Variants in KATNAL2 observed in about 807,000 individuals in gnomAD.
KATNAL2 encodes katanin catalytic subunit A1 like 2.
KATNAL2 carries 52 observed loss-of-function variants against 76.3 expected under a neutral mutation model. The observed-to-expected ratio is 0.68, with a 90% CI of 0.55 to 0.86. The LOEUF (loss-of-function observed/expected upper bound fraction) is 0.86, where lower values mean the gene tolerates loss of function less well. Ranked by LOEUF, KATNAL2 falls within the 40% of genes least tolerant of loss-of-function variation. KATNAL2 has a pLI of 0.00. For missense variants in KATNAL2, 660 were observed against 668.9 expected (o/e 0.99, Z 0.15); for synonymous variants, 243 against 244.2 (o/e 1.00, Z 0.05).
intron 3 of KATNAL2, among the ~76,000 whole-genome samples, chr18:46,955,485 A>G (rs947848230): frequency 9.3e-5 from 14 of 151,038 alleles, no homozygotes; most frequent in African/African-American, 3.4e-4. Context: ...TGGCCTCCCA[A>G]AGTGCTGGAA....
chr18:46,937,214 A>G lies in KATNAL2; in HGVS notation c.-509-8843A>G, dbSNP rs538709955. Among the ~76,000 whole-genome samples, 4 of 152,214 alleles carry G rather than the reference A, an allele frequency of 2.6e-5. No individual in the cohort carries two copies. In the East Asian group the frequency reaches 7.7e-4, roughly 29 times the overall value. The stretch of plus-strand genomic sequence containing the variant: ...TGATCTTCCTAAATCGCATAACCCC[A>G]GTTTTTCATGAGAAAAACATAGACA... On this transcript the variant is annotated intron_variant, in intron 1 of 17. Coordinates refer to ENST00000683218, the MANE Select transcript of KATNAL2 (RefSeq NM_001387690.1).
chr18:47,043,245 A>AAAAAAACAAAAAAAAAAAAAAAAAAAAT (rs376877321), intron 3 of KATNAL2, among the ~76,000 whole-genome samples: 1 of 93,176 alleles, frequency 1.1e-5, no homozygotes, highest in Non-Finnish European at 2.1e-5. Flanking sequence ...AAAAAAAAAA[A>AAAAAAACAAAAAAAAAAAAAAAAAAAAT]GAGATCCTAA....
chr18:47,060,163 A>AT (rs1319788329), intron 8 of KATNAL2, among the ~76,000 whole-genome samples: 2 of 151,922 alleles, frequency 1.3e-5, no homozygotes, highest in Non-Finnish European at 2.9e-5. Context: ...CATCCAGCTA[A>AT]TTTTTTTCAT....
At chr18:47,054,344 T>G in intron 5 of KATNAL2, 52 bp from the exon 6 acceptor site, 1 of 1,511,604 alleles carries the variant, frequency 6.6e-7, no homozygotes, top group Non-Finnish European at 9.2e-7. Flanking sequence ...AAAAATCACT[T>G]TGTCACTCTT....
intron 3 of KATNAL2, among the ~76,000 whole-genome samples, chr18:46,948,552 G>A (rs1270872195): frequency 2.0e-5 from 3 of 151,464 alleles, no homozygotes; most frequent in East Asian, 1.9e-4. Context: ...AGCCTCCCGA[G>A]TACCTGGGAT....
chr18:46,961,478 CTT>C (rs1188461286), intron 3 of KATNAL2, among the ~76,000 whole-genome samples: 8 of 152,188 alleles, frequency 5.3e-5, no homozygotes, highest in African/African-American at 1.9e-4. Context: ...GCAACAAAAA[CTT>C]TTATCATTTG....
intron 4 of KATNAL2, 147 bp from the exon 5 acceptor site, chr18:47,052,733 A>C (rs1255272351): frequency 6.1e-6 from 3 of 488,806 alleles, no homozygotes; most frequent in Non-Finnish European, 1.0e-5. Flanking sequence ...TTTATAGGCA[A>C]ACCTCCTATG....
chr18:47,095,159 T>C (rs1197044668), intron 15 of KATNAL2, among the ~76,000 whole-genome samples: 1 of 152,220 alleles, frequency 6.6e-6, no homozygotes, highest in Non-Finnish European at 1.5e-5. Context: ...TTTGCTTTTG[T>C]GGGTTTATGC....
At chr18:47,087,023 TAGG>T (rs1263450052) in intron 15 of KATNAL2, among the ~76,000 whole-genome samples, 3 of 152,152 alleles carry the variant, frequency 2.0e-5, no homozygotes, top group East Asian at 1.9e-4. Context: ...TTATAGAAAA[TAGG>T]AGAATTAGAA....
At chr18:46,919,917 A>G in intron 1 of KATNAL2, 1 of 435,446 alleles carries the variant, frequency 2.3e-6, no homozygotes. Flanking sequence ...CTTTAAGTGA[A>G]TGCCACTGTG....
intron 12 of KATNAL2, 44 bp downstream of exon 12, chr18:47,069,327 G>A: frequency 2.6e-6 from 4 of 1,529,140 alleles, no homozygotes; most frequent in Non-Finnish European, 3.6e-6. Flanking sequence ...AAGTGTGTGT[G>A]CAGAGGATGA....
intron 15 of KATNAL2, chr18:47,091,216 T>C (rs989332521): frequency 6.6e-6 from 1 of 152,280 alleles, no homozygotes; most frequent in Non-Finnish European, 1.5e-5. Context: ...GCACAAGGCC[T>C]TGAAGCAAGA....
chr18:47,058,357 G>A lies in KATNAL2; in HGVS notation c.450+5G>A. 6.4e-7 allele frequency: 1 copy of A among 1,561,220 alleles called. No individual in the cohort carries two copies. Among genetic ancestry groups the A allele is most frequent in the Non-Finnish European group, 8.8e-7 (1 of 1,133,316 alleles). The stretch of plus-strand genomic sequence containing the variant: ...AATAAGGAGCATCCTAATCAGGTCA[G>A]GATGGCTTGGCTTGACTTTGTGAAC... On this transcript the variant is annotated splice_donor_5th_base_variant and intron_variant, in intron 7 of 17. Transcript: ENST00000683218.
At chr18:47,033,510 CCGTAAT>C in intron 3 of KATNAL2, 1 of 1,614,162 alleles carries the variant, frequency 6.2e-7, no homozygotes, top group Non-Finnish European at 8.5e-7. Context: ...AATGATTCCT[CCGTAAT>C]TCGTCTGTCT....
chr18:46,961,541 G>C (rs1307118571), intron 3 of KATNAL2, among the ~76,000 whole-genome samples: 1 of 152,172 alleles, frequency 6.6e-6, no homozygotes, highest in South Asian at 2.1e-4. Flanking sequence ...CCTATTACTA[G>C]CAATAAACTT....
chr18:46,951,809 G>A (rs917867354), intron 3 of KATNAL2, among the ~76,000 whole-genome samples: 1 of 152,024 alleles, frequency 6.6e-6, no homozygotes, highest in African/African-American at 2.4e-5. Flanking sequence ...TTTTGAGCAG[G>A]GTCTTGCTCT....
At chr18:46,954,236 A>T (rs544810566) in intron 3 of KATNAL2, among the ~76,000 whole-genome samples, 6 of 150,234 alleles carry the variant, frequency 4.0e-5, no homozygotes, top group African/African-American at 1.5e-4. Context: ...GAGGTGCCTG[A>T]TGACTCCAGA....
intron 3 of KATNAL2, chr18:47,034,137 G>A (rs1434650735): frequency 1.2e-6 from 2 of 1,614,154 alleles, no homozygotes; most frequent in African/African-American, 2.7e-5. Context: ...TGGGCTGCTC[G>A]AATTCCTCAG....
rs532847115 is a variant in KATNAL2 at position 46,961,894 on chromosome 18, G to A, written c.51+14971G>A. On this transcript the variant is annotated intron_variant, in intron 3 of 17. Coordinates refer to ENST00000683218, the MANE Select transcript of KATNAL2 (RefSeq NM_001387690.1). ...GCCTGCAACCGTATGATATGATTGA[G>A]AATGTAGATGGGGGTTTGCTACTAA... Among the ~76,000 whole-genome samples, 6 of 152,326 alleles carry A rather than the reference G, an allele frequency of 3.9e-5. No individual in the cohort carries two copies. In the South Asian group the frequency reaches 1.0e-3, roughly 26 times the overall value.
Sources: allele counts gnomAD v4.1 joint callset (sites outside exome capture counted in the v4.1 genomes callset), GRCh38; gene constraint gnomAD v4.1.1; transcripts MANE v1.5; gene names NCBI Gene and HGNC (gene_info 2026-07-23, HGNC 2026-07-21).